The following EVA1C variants were observed in gnomAD, a reference collection of about 807,000 sequenced individuals.
EVA1C encodes the protein protein eva-1 homolog C.
A neutral mutation model predicts 45.4 loss-of-function variants in EVA1C; 25 were observed. That is an observed-to-expected ratio of 0.55 (90% CI 0.40 to 0.77). The LOEUF (loss-of-function observed/expected upper bound fraction) is 0.77. Among genes scored for constraint, EVA1C ranks in the 30% least tolerant of loss-of-function variants. EVA1C has a pLI of 0.00. For missense variants in EVA1C, 479 were observed against 554.8 expected (o/e 0.86, Z 1.37); for synonymous variants, 190 against 221.2 (o/e 0.86, Z 1.25).
chr21:32,448,038 C>A (rs977448631), intron 1 of EVA1C, among the ~76,000 whole-genome samples: 1 of 152,172 alleles, frequency 6.6e-6, no homozygotes, highest in African/African-American at 2.4e-5. Context: ...TCCGAACAAG[C>A]TTCTGTCCCC....
chr21:32,478,281 C>G lies in EVA1C; in HGVS notation c.634+10433C>G, dbSNP rs544378029. Reference sequence around the variant, plus strand: ...TCGCCCAGGCTGGAGTGCAGTGGCTCGATCTCAGCTCACTGCAACCTCCGC... The same window carrying G: ...TCGCCCAGGCTGGAGTGCAGTGGCTGGATCTCAGCTCACTGCAACCTCCGC... On this transcript the variant is annotated intron_variant, in intron 4 of 7. Coordinates refer to ENST00000300255, the MANE Select transcript of EVA1C (RefSeq NM_058187.5). Among the ~76,000 whole-genome samples the G allele has an allele frequency of 9.9e-5, 15 of 152,118 alleles. No individual in the cohort carries two copies. The East Asian group carries it at 2.9e-3, about 30-fold the overall frequency.
intron 3 of EVA1C, among the ~76,000 whole-genome samples, chr21:32,461,194 C>T (rs1175796667): frequency 6.6e-6 from 1 of 152,222 alleles, no homozygotes; most frequent in Admixed American, 6.5e-5. Context: ...ATTGGCGCAG[C>T]CAGCCACAGG....
intron 1 of EVA1C, among the ~76,000 whole-genome samples, chr21:32,443,039 TG>T (rs2035238693): frequency 7.5e-5 from 1 of 13,288 alleles, no homozygotes; most frequent in Non-Finnish European, 1.6e-4. Flanking sequence ...GGAGGAAGGG[TG>T]GGGAGGGAGG....
intron 1 of EVA1C, among the ~76,000 whole-genome samples, chr21:32,430,475 T>C (rs935746974): frequency 1.3e-5 from 2 of 151,968 alleles, no homozygotes; most frequent in African/African-American, 4.8e-5. Context: ...GATGTAAGGG[T>C]TATTGTATTA....
At chr21:32,473,055 A>G (rs952143442) in intron 4 of EVA1C, among the ~76,000 whole-genome samples, 3 of 152,244 alleles carry the variant, frequency 2.0e-5, no homozygotes, top group African/African-American at 7.2e-5. Flanking sequence ...CCTGTTCATC[A>G]GGTCCTCAGC....
intron 7 of EVA1C, among the ~76,000 whole-genome samples, chr21:32,505,541 T>C (rs895604856): frequency 2.6e-5 from 4 of 152,338 alleles, no homozygotes; most frequent in Admixed American, 2.0e-4. Context: ...CCAACTACCT[T>C]GTCCGTTCCT....
intron 4 of EVA1C, among the ~76,000 whole-genome samples, chr21:32,487,962 T>C (rs1057093823): frequency 1.3e-5 from 2 of 152,162 alleles, no homozygotes; most frequent in African/African-American, 4.8e-5. Flanking sequence ...AGGCTTGCGA[T>C]TGGCATCTGA....
At chr21:32,454,315 T>C (rs1036506286) in intron 2 of EVA1C, among the ~76,000 whole-genome samples, 2 of 152,234 alleles carry the variant, frequency 1.3e-5, no homozygotes, top group African/African-American at 4.8e-5. Context: ...TCTTCAGTTG[T>C]AGATAATCAT....
chr21:32,445,744 G>A (rs1478998203), intron 1 of EVA1C, among the ~76,000 whole-genome samples: 3 of 152,154 alleles, frequency 2.0e-5, no homozygotes, highest in African/African-American at 4.8e-5. Context: ...TTCAAAAAAT[G>A]AAAACCTAAG....
chr21:32,431,005 C>T (rs1488650936), intron 1 of EVA1C, among the ~76,000 whole-genome samples: 1 of 144,860 alleles, frequency 6.9e-6, no homozygotes, highest in Non-Finnish European at 1.5e-5. Flanking sequence ...GAGACTTATT[C>T]AACGTCATGA....
chr21:32,415,463 C>T (rs553479820), intron 1 of EVA1C, among the ~76,000 whole-genome samples: 3 of 152,104 alleles, frequency 2.0e-5, no homozygotes, highest in Admixed American at 6.5e-5. Context: ...GCCCCTTTCT[C>T]CCCCCAGGAG....
intron 5 of EVA1C, chr21:32,496,868 A>T (rs1190609432): frequency 1.0e-6 from 1 of 989,380 alleles, no homozygotes; most frequent in Non-Finnish European, 1.6e-6. Flanking sequence ...AAATCTGGAG[A>T]TATATTCAGA....
intron 4 of EVA1C, among the ~76,000 whole-genome samples, chr21:32,483,495 A>C (rs996281392): frequency 5.3e-5 from 8 of 152,132 alleles, no homozygotes; most frequent in African/African-American, 1.9e-4. Flanking sequence ...TTTAGACTGG[A>C]GTACTCCACT....
At chr21:32,441,073 G>A (rs1338812917) in intron 1 of EVA1C, among the ~76,000 whole-genome samples, 1 of 152,210 alleles carries the variant, frequency 6.6e-6, no homozygotes, top group East Asian at 1.9e-4. Context: ...TTGCAGTCCA[G>A]CCTGGGCAAG....
At chr21:32,506,088 C>A (rs1469835695) in intron 7 of EVA1C, among the ~76,000 whole-genome samples, 2 of 151,944 alleles carry the variant, frequency 1.3e-5, no homozygotes, top group Non-Finnish European at 2.9e-5. Context: ...CCTGAGTTGT[C>A]TAAATTAGCT....
intron 1 of EVA1C, among the ~76,000 whole-genome samples, chr21:32,416,130 T>C (rs1411163686): frequency 1.4e-5 from 2 of 140,762 alleles, no homozygotes; most frequent in Admixed American, 1.4e-4. Context: ...GGGATCCTCA[T>C]ATTTTTGCCT....
intron 3 of EVA1C, among the ~76,000 whole-genome samples, chr21:32,464,090 C>T (rs1478678986): frequency 6.6e-6 from 1 of 152,186 alleles, no homozygotes; most frequent in African/African-American, 2.4e-5. Context: ...GGATATGACT[C>T]ACCAAAAAGA....
At chr21:32,491,443 C>G (rs1291566535) in intron 4 of EVA1C, among the ~76,000 whole-genome samples, 1 of 151,860 alleles carries the variant, frequency 6.6e-6, no homozygotes. Context: ...AATCCCAGCA[C>G]TTTGGGCGGC....
At chr21:32,447,862 C>T (rs1478670845) in intron 1 of EVA1C, among the ~76,000 whole-genome samples, 6 of 152,176 alleles carry the variant, frequency 3.9e-5, no homozygotes, top group East Asian at 1.9e-4. Context: ...CCTGCCACCA[C>T]GTCCGGCTAA....
Sources: gnomAD v4.1 joint callset for allele counts (sites outside exome capture counted in the v4.1 genomes callset) on GRCh38, gnomAD v4.1.1 for gene constraint, MANE v1.5 for transcripts, NCBI Gene and HGNC (gene_info 2026-07-23, HGNC 2026-07-21) for gene names.